DOCK1: variants seen among roughly 807,000 people sequenced by gnomAD.
DOCK1 encodes dedicator of cytokinesis 1.
A neutral mutation model predicts 262.7 loss-of-function variants in DOCK1; 138 were observed. The ratio of observed to expected loss-of-function variants is 0.53; its 90% CI spans 0.46 to 0.61. The LOEUF is 0.61. DOCK1 is among the 20% of genes least tolerant of loss of function. The pLI is 0.00. For missense variants in DOCK1, 1,908 were observed against 2,370.7 expected, an observed-to-expected ratio of 0.80 and a Z score of 4.05; for synonymous variants, 866 against 867.4, an observed-to-expected ratio of 1.00 and a Z score of 0.03.
chr10:127,324,022 A>AG (rs1270385248), intron 29 of DOCK1, among the ~76,000 whole-genome samples: 1 of 152,162 alleles, frequency 6.6e-6, no homozygotes, highest in African/African-American at 2.4e-5. Flanking sequence ...GTTCTTGAGG[A>AG]GGGGGAGCGG....
intron 27 of DOCK1, among the ~76,000 whole-genome samples, chr10:127,241,372 A>G (rs2059259504): frequency 6.6e-6 from 1 of 151,776 alleles, no homozygotes; most frequent in Admixed American, 6.6e-5. Context: ...CTTCTCTTAC[A>G]TTTTCTAAAT....
chr10:127,196,774 G>GCCGGCTGCCT (rs2057203420), intron 27 of DOCK1, among the ~76,000 whole-genome samples: 1 of 151,992 alleles, frequency 6.6e-6, no homozygotes, highest in Admixed American at 6.5e-5. Flanking sequence ...GCCGGCTGCC[G>GCCGGCTGCCT]CCTGCGCGCG....
chr10:127,102,003 G>T (rs12244080), intron 23 of DOCK1, among the ~76,000 whole-genome samples: 36,736 of 151,960 alleles, frequency 0.24, 6,303 homozygotes, highest in African/African-American at 0.49. Context: ...AAATTATTAC[G>T]ATTTAGTGCT....
chr10:126,977,015 G>A (rs142309297), intron 2 of DOCK1, among the ~76,000 whole-genome samples: 568 of 152,334 alleles, frequency 3.7e-3, no homozygotes, highest in Middle Eastern at 0.027. Context: ...GATTATAGGC[G>A]TGAGCCACTG....
intron 48 of DOCK1, among the ~76,000 whole-genome samples, chr10:127,435,465 C>T (rs913595638): frequency 2.0e-5 from 3 of 152,056 alleles, no homozygotes; most frequent in African/African-American, 4.8e-5. Flanking sequence ...TTTTTATCAG[C>T]GTCTGATATT....
intron 48 of DOCK1, among the ~76,000 whole-genome samples, chr10:127,436,483 C>T (rs1221191920): frequency 6.6e-6 from 1 of 152,140 alleles, no homozygotes; most frequent in Non-Finnish European, 1.5e-5. Context: ...TGAACCACTG[C>T]ACTCCAGCCT....
At chr10:127,030,241 G>C (rs1401944691) in intron 16 of DOCK1, among the ~76,000 whole-genome samples, 1 of 152,178 alleles carries the variant, frequency 6.6e-6, no homozygotes, top group East Asian at 1.9e-4. Context: ...TGTAATTGTA[G>C]AGATAGTTTC....
At chr10:126,931,576 C>T (rs894444696) in intron 1 of DOCK1, among the ~76,000 whole-genome samples, 1 of 152,190 alleles carries the variant, frequency 6.6e-6, no homozygotes, top group African/African-American at 2.4e-5. Context: ...AATCCAAAGA[C>T]AGAAGCCCCC....
At chr10:127,371,873 G>C (rs898933554) in intron 33 of DOCK1, among the ~76,000 whole-genome samples, 4 of 152,106 alleles carry the variant, frequency 2.6e-5, no homozygotes, top group Non-Finnish European at 5.9e-5. Context: ...TCTGTAAAGG[G>C]CAGGATAGCA....
At chr10:127,150,269 CA>C (rs2052359246) in intron 27 of DOCK1, among the ~76,000 whole-genome samples, 1 of 152,200 alleles carries the variant, frequency 6.6e-6, no homozygotes, top group African/African-American at 2.4e-5. Flanking sequence ...AAGCTTCTGA[CA>C]TTTGGGGGTG....
intron 31 of DOCK1, among the ~76,000 whole-genome samples, chr10:127,353,966 C>T (rs1402516962): frequency 1.3e-5 from 2 of 150,250 alleles, no homozygotes; most frequent in Non-Finnish European, 2.9e-5. Context: ...AACTGTAATC[C>T]TGTATGATAA....
At chr10:127,086,674 G>A (rs2047218330) in intron 23 of DOCK1, among the ~76,000 whole-genome samples, 1 of 152,070 alleles carries the variant, frequency 6.6e-6, no homozygotes, top group Admixed American at 6.6e-5. Context: ...AAATTTTTCT[G>A]TGGTTCTTAA....
At chr10:127,190,151 A>T (rs568338884) in intron 27 of DOCK1, among the ~76,000 whole-genome samples, 1 of 152,228 alleles carries the variant, frequency 6.6e-6, no homozygotes, top group Non-Finnish European at 1.5e-5. Flanking sequence ...AAATTCAAAG[A>T]CATTCTTTCT....
At chr10:127,288,302 G>A (rs1353405935) in intron 29 of DOCK1, among the ~76,000 whole-genome samples, 2 of 152,002 alleles carry the variant, frequency 1.3e-5, no homozygotes, top group African/African-American at 4.8e-5. Flanking sequence ...AAATATCTCA[G>A]GTTGATCTTT....
At chr10:127,273,980 C>G (rs1209503594) in intron 29 of DOCK1, among the ~76,000 whole-genome samples, 3 of 151,930 alleles carry the variant, frequency 2.0e-5, no homozygotes. Context: ...GATATTCAGC[C>G]TGAGAATTAA....
chr10:127,307,430 A>G (rs995774081), intron 29 of DOCK1, among the ~76,000 whole-genome samples: 1 of 152,200 alleles, frequency 6.6e-6, no homozygotes, highest in African/African-American at 2.4e-5. Flanking sequence ...CACTGGACAC[A>G]CAAGTCCTCA....
intron 1 of DOCK1, among the ~76,000 whole-genome samples, chr10:126,945,947 C>T (rs890343768): frequency 0.31 from 47,723 of 151,948 alleles, 7,801 homozygotes; most frequent in Non-Finnish European, 0.37. Context: ...GTGTGGTTTG[C>T]GGCATTCACT....
intron 4 of DOCK1, among the ~76,000 whole-genome samples, chr10:126,986,345 C>T (rs1187361169): frequency 6.6e-6 from 1 of 152,174 alleles, no homozygotes; most frequent in Non-Finnish European, 1.5e-5. Context: ...GTTCCTTCCA[C>T]AGGTCTGGGC....
intron 1 of DOCK1, among the ~76,000 whole-genome samples, chr10:126,918,722 G>T (rs1003510935): frequency 2.0e-5 from 3 of 152,166 alleles, no homozygotes; most frequent in Admixed American, 1.3e-4. Context: ...CTGTCCCGGG[G>T]GTAAGTGGGG....
Sources: allele counts gnomAD v4.1 joint callset (sites outside exome capture counted in the v4.1 genomes callset), GRCh38; gene constraint gnomAD v4.1.1; transcripts MANE v1.5; gene names NCBI Gene and HGNC (gene_info 2026-07-23, HGNC 2026-07-21).